ATP6V1A: variants seen among roughly 807,000 people sequenced by gnomAD.
The protein encoded by ATP6V1A is V-type proton ATPase catalytic subunit A.
In ATP6V1A, 18 loss-of-function variants were observed where a neutral mutation model predicts 70.1. The ratio of observed to expected loss-of-function variants is 0.26; its 90% CI spans 0.18 to 0.38. The LOEUF (loss-of-function observed/expected upper bound fraction) is 0.38. Among genes scored for constraint, ATP6V1A ranks in the 10% least tolerant of loss-of-function variants. The pLI is 1.00. For missense variants in ATP6V1A, 424 were observed against 772.4 expected, an observed-to-expected ratio of 0.55 and a Z score of 5.35; for synonymous variants, 232 against 253.8, an observed-to-expected ratio of 0.91 and a Z score of 0.82.
At chr3:113,766,720 T>C (rs754336499) in intron 1 of ATP6V1A, among the ~76,000 whole-genome samples, 6 of 152,168 alleles carry the variant, frequency 3.9e-5, no homozygotes, top group Non-Finnish European at 8.8e-5. Flanking sequence ...AATGTGAATT[T>C]TGGGGGGACA....
chr3:113,765,227 T>C (rs1396817235), intron 1 of ATP6V1A, among the ~76,000 whole-genome samples: 1 of 151,898 alleles, frequency 6.6e-6, no homozygotes, highest in African/African-American at 2.4e-5. Context: ...ATGTTTTATC[T>C]TTTTTTTGGC....
intron 1 of ATP6V1A, among the ~76,000 whole-genome samples, chr3:113,767,930 C>T (rs1708792574): frequency 6.6e-6 from 1 of 152,162 alleles, no homozygotes; most frequent in South Asian, 2.1e-4. Flanking sequence ...GGATGTGAGC[C>T]ACCGTGCCTG....
intron 11 of ATP6V1A, among the ~76,000 whole-genome samples, chr3:113,797,676 G>A (rs1339126351): frequency 1.3e-5 from 2 of 152,092 alleles, no homozygotes; most frequent in African/African-American, 4.8e-5. Context: ...TTTTGGATTT[G>A]GCACAGTATT....
intron 1 of ATP6V1A, 102 bp from the exon 2 acceptor site, chr3:113,778,639 A>C: frequency 1.8e-6 from 1 of 553,102 alleles, no homozygotes; most frequent in Non-Finnish European, 3.0e-6. Flanking sequence ...TCAAGAATAC[A>C]CCAAAGATGA....
In ATP6V1A at chr3:113,797,270, G is replaced by C. The variant is rs189023063; in HGVS notation, c.1291-973G>C. ...TTAAAAAAAAAATTTTTTTTTTTTT[G>C]AGATGGAATCTCACCCCCATCATGC... is the stretch of plus-strand genomic sequence containing the variant. On this transcript the variant is annotated intron_variant, in intron 11 of 14. Transcript: ENST00000273398. Among the ~76,000 whole-genome samples, 3 of 127,306 alleles carry C rather than the reference G, an allele frequency of 2.4e-5. No individual in the cohort carries two copies. The East Asian group carries it at 7.1e-4, about 30-fold the overall frequency. 83.5% of individuals were successfully genotyped at this position (127,306 alleles called of 152,430 possible). A position where few individuals can be genotyped will look rare whatever the true frequency, so the allele number is the denominator to read the frequency against.
At chr3:113,782,546 A>ATATATATATACATGTGTATATATATACG (rs1559755528) in intron 3 of ATP6V1A, among the ~76,000 whole-genome samples, 2 of 145,810 alleles carry the variant, frequency 1.4e-5, no homozygotes, top group African/African-American at 2.5e-5. Context: ...CTCTCTCTAT[A>ATATATATATACATGTGTATATATATACG]TATATATATA....
intron 1 of ATP6V1A, among the ~76,000 whole-genome samples, chr3:113,752,939 G>A (rs760236809): frequency 2.6e-5 from 4 of 152,066 alleles, no homozygotes; most frequent in Non-Finnish European, 5.9e-5. Context: ...TCCAGATGTA[G>A]TTTTTTAAAC....
intron 1 of ATP6V1A, among the ~76,000 whole-genome samples, chr3:113,758,975 GTGAA>G (rs1299780690): frequency 6.6e-6 from 1 of 152,198 alleles, no homozygotes; most frequent in Non-Finnish European, 1.5e-5. Context: ...CCTTGGTTAA[GTGAA>G]TGTTCAAATC....
intron 12 of ATP6V1A, chr3:113,803,153 A>G: frequency 6.3e-6 from 1 of 157,492 alleles, no homozygotes; most frequent in Non-Finnish European, 1.4e-5. Context: ...TAAGTGAAAT[A>G]AGCTGGTCAC....
At chr3:113,772,933 CTTTTTTT>C (rs762901487) in intron 1 of ATP6V1A, among the ~76,000 whole-genome samples, 2 of 90,448 alleles carry the variant, frequency 2.2e-5, no homozygotes, top group African/African-American at 4.5e-5. Flanking sequence ...TTAATATTGG[CTTTTTTT>C]TTTTTTTTTT....
rs375362481 is a variant in ATP6V1A at position 113,764,566 on chromosome 3, A to T, written c.-13-14175A>T. 4.6e-5 allele frequency among the ~76,000 whole-genome samples: 7 copies of T among 152,332 alleles called. No homozygotes were observed. In the South Asian group the frequency reaches 6.2e-4, roughly 14 times the overall value. On this transcript the variant is annotated intron_variant, in intron 1 of 14. Transcript: ENST00000273398. ...AACAGATTTTAAAGAAAGATGTGTA[A>T]CAAATGCTTTCTTTTCTATTTATAT...
At chr3:113,778,109 G>T (rs1708936980) in intron 1 of ATP6V1A, among the ~76,000 whole-genome samples, 1 of 151,974 alleles carries the variant, frequency 6.6e-6, no homozygotes, top group African/African-American at 2.4e-5. Flanking sequence ...AGGAATTTTG[G>T]CTGGGTTCAG....
intron 1 of ATP6V1A, among the ~76,000 whole-genome samples, chr3:113,774,838 AAGC>A (rs1180414518): frequency 6.6e-6 from 1 of 152,046 alleles, no homozygotes; most frequent in African/African-American, 2.4e-5. Flanking sequence ...GAAAAAAAAA[AAGC>A]AGCATTCAGA....
At position 113,811,251 on chromosome 3, in the gene ATP6V1A, T is replaced by G. The variant is rs1262852062; in HGVS notation, c.*1824T>G. The G allele has an allele frequency of 6.6e-6, 1 of 152,368 alleles. No individual in the cohort carries two copies. Among genetic ancestry groups the G allele is most frequent in the Non-Finnish European group, 1.5e-5 (1 of 68,036 alleles). The allele number at this position is 152,368 out of a possible 1,614,324, so 9.4% of individuals were successfully genotyped here. On this transcript the variant is annotated 3_prime_UTR_variant, in exon 15 of 15. Coordinates refer to ENST00000273398, the MANE Select transcript of ATP6V1A (RefSeq NM_001690.4). ...TTTAATTTTTTAGGTAATGCCTATC[T>G]CTTGGTCTATTAAGGAAAGAAGCAA...
intron 2 of ATP6V1A, 107 bp from the exon 3 acceptor site, chr3:113,780,943 A>G (rs1559755036): frequency 7.0e-7 from 1 of 1,424,498 alleles, no homozygotes; most frequent in East Asian, 2.5e-5. Flanking sequence ...TCTTATGAAT[A>G]TATGAGAGAG....
intron 1 of ATP6V1A, among the ~76,000 whole-genome samples, chr3:113,754,224 C>T (rs1303017523): frequency 1.3e-5 from 2 of 152,098 alleles, no homozygotes; most frequent in Non-Finnish European, 2.9e-5. Flanking sequence ...TGAAGTGTTT[C>T]TGTAATTAGG....
chr3:113,762,677 G>A (rs931000821), intron 1 of ATP6V1A, among the ~76,000 whole-genome samples: 9 of 152,172 alleles, frequency 5.9e-5, no homozygotes, highest in Admixed American at 3.3e-4. Context: ...GATTCAGGAA[G>A]AGAGTTTGCT....
chr3:113,766,828 A>G (rs1356343844), intron 1 of ATP6V1A, among the ~76,000 whole-genome samples: 1 of 152,176 alleles, frequency 6.6e-6, no homozygotes, highest in African/African-American at 2.4e-5. Flanking sequence ...GCAAAACAGC[A>G]ATTACTTTTG....
At chr3:113,767,342 C>T (rs1708784483) in intron 1 of ATP6V1A, among the ~76,000 whole-genome samples, 1 of 152,138 alleles carries the variant, frequency 6.6e-6, no homozygotes, top group South Asian at 2.1e-4. Flanking sequence ...CTGCCTCAGC[C>T]TCTCAAAGTG....
Sources: allele counts gnomAD v4.1 joint callset (sites outside exome capture counted in the v4.1 genomes callset), GRCh38; gene constraint gnomAD v4.1.1; transcripts MANE v1.5; gene names NCBI Gene and HGNC (gene_info 2026-07-23, HGNC 2026-07-21).